Variants in MGAT4C observed in about 807,000 individuals in gnomAD.
MGAT4C encodes the protein MGAT4 family member C.
Under a neutral mutation model 40.1 loss-of-function variants are expected in MGAT4C, and 19 were observed. The ratio of observed to expected loss-of-function variants is 0.47; its 90% CI spans 0.33 to 0.70. The LOEUF (loss-of-function observed/expected upper bound fraction) is 0.70. Ranked by LOEUF, MGAT4C falls within the 30% of genes least tolerant of loss-of-function variation. The pLI is 0.02. For missense variants in MGAT4C, 491 were observed against 563.2 expected (o/e 0.87, Z 1.30); for synonymous variants, 181 against 187.1 (o/e 0.97, Z 0.27).
intron 1 of MGAT4C, among the ~76,000 whole-genome samples, chr12:86,158,079 C>T (rs1373207750): frequency 5.3e-5 from 8 of 152,020 alleles, no homozygotes; most frequent in Admixed American, 3.9e-4. Flanking sequence ...ATATTGAAAA[C>T]GATACATTTA....
At chr12:86,639,734 C>A (rs1371917053) in intron 2 of MGAT4C, among the ~76,000 whole-genome samples, 1 of 151,612 alleles carries the variant, frequency 6.6e-6, no homozygotes, top group Non-Finnish European at 1.5e-5. Context: ...TGGAGAAAAT[C>A]ATTTAAATGC....
rs1051827502 is a variant in MGAT4C, at chr12:86,370,767, T to C, written c.-119-36640A>G. 5.5e-4 allele frequency among the ~76,000 whole-genome samples: 83 copies of C among 152,064 alleles called. 1 individual carries two copies. Among genetic ancestry groups the C allele is most frequent in the African/African-American group, 2.0e-3 (81 of 41,454 alleles). ...TTAATCCCCAAAAGTTCAATATGTATGCATAATTTCCCGAAAGTAATTTCA... is the reference window on the plus strand; with the variant it reads ...TTAATCCCCAAAAGTTCAATATGTACGCATAATTTCCCGAAAGTAATTTCA... On this transcript the variant is annotated intron_variant, in intron 3 of 7. Coordinates refer to the MGAT4C transcript ENST00000548651.
At chr12:86,250,436 A>G (rs1952228023) in intron 1 of MGAT4C, among the ~76,000 whole-genome samples, 1 of 152,070 alleles carries the variant, frequency 6.6e-6, no homozygotes, top group Non-Finnish European at 1.5e-5. Flanking sequence ...CGTCATGAGT[A>G]AAGAAGAACT....
chr12:86,188,454 C>T (rs947017272), intron 1 of MGAT4C, among the ~76,000 whole-genome samples: 2 of 151,698 alleles, frequency 1.3e-5, no homozygotes, highest in African/African-American at 4.8e-5. Context: ...ATGTTCTTTC[C>T]CTCTCTGTGG....
chr12:86,395,618 G>A (rs1200851238), intron 3 of MGAT4C, among the ~76,000 whole-genome samples: 2 of 152,196 alleles, frequency 1.3e-5, no homozygotes, highest in African/African-American at 2.4e-5. Context: ...GTAAGTTTTT[G>A]ATGTGTGGTA....
intron 2 of MGAT4C, among the ~76,000 whole-genome samples, chr12:86,468,283 TC>T (rs930830896): frequency 2.6e-5 from 4 of 151,724 alleles, no homozygotes; most frequent in Non-Finnish European, 4.4e-5. Context: ...CCTTTTCAAA[TC>T]ATTTTTTTTT....
chr12:86,447,623 T>C (rs1957362363), intron 2 of MGAT4C, among the ~76,000 whole-genome samples: 2 of 152,202 alleles, frequency 1.3e-5, no homozygotes, highest in Admixed American at 1.3e-4. Context: ...TAAGAATTTA[T>C]TTAGCTTCTC....
intron 1 of MGAT4C, among the ~76,000 whole-genome samples, chr12:86,144,676 T>G (rs947584260): frequency 6.6e-6 from 1 of 152,198 alleles, no homozygotes; most frequent in African/African-American, 2.4e-5. Flanking sequence ...GTACATATCT[T>G]TATTGTACGT....
intron 2 of MGAT4C, among the ~76,000 whole-genome samples, chr12:86,677,163 T>A (rs990205468): frequency 1.3e-5 from 2 of 152,160 alleles, no homozygotes; most frequent in Non-Finnish European, 2.9e-5. Flanking sequence ...ATTACCTAAT[T>A]TATTATTTGA....
At chr12:86,703,092 A>G (rs1018642963) in intron 2 of MGAT4C, among the ~76,000 whole-genome samples, 10 of 152,296 alleles carry the variant, frequency 6.6e-5, no homozygotes, top group African/African-American at 2.4e-4. Flanking sequence ...TGGCAAGGGA[A>G]CTAGAGCTAG....
At chr12:86,725,763 C>CG (rs1417187606) in intron 2 of MGAT4C, among the ~76,000 whole-genome samples, 1 of 152,074 alleles carries the variant, frequency 6.6e-6, no homozygotes, top group Non-Finnish European at 1.5e-5. Flanking sequence ...GCGCCCGGCC[C>CG]AGCGCCCCCT....
intron 1 of MGAT4C, among the ~76,000 whole-genome samples, chr12:86,807,912 C>G (rs534305336): frequency 1.3e-5 from 2 of 152,150 alleles, no homozygotes; most frequent in East Asian, 3.9e-4. Flanking sequence ...TGTTTGCTGG[C>G]CACATGAATG....
Position 86,273,321 on chromosome 12 carries a change from C to G in MGAT4C, c.-57+60744G>C, listed in dbSNP as rs534522464. Among the ~76,000 whole-genome samples, 17 of 152,020 alleles carry G rather than the reference C, an allele frequency of 1.1e-4. No homozygotes were observed. In the East Asian group the frequency reaches 3.3e-3, roughly 29 times the overall value. ...AGTAACAATATTTATTTCTTTGGTA[C>G]TTTATAACAATTAAATAAATTGAAA... On this transcript the variant is annotated intron_variant, in intron 4 of 7. Transcript: ENST00000548651.
At chr12:86,189,786 T>C (rs1889170169) in intron 1 of MGAT4C, among the ~76,000 whole-genome samples, 1 of 151,908 alleles carries the variant, frequency 6.6e-6, no homozygotes, top group African/African-American at 2.4e-5. Context: ...AAAACATGGG[T>C]AGTCTTGTAG....
At chr12:86,814,267 C>T (rs1285586491) in intron 1 of MGAT4C, among the ~76,000 whole-genome samples, 1 of 112,390 alleles carries the variant, frequency 8.9e-6, no homozygotes, top group African/African-American at 3.3e-5. Flanking sequence ...CATATATATA[C>T]ATATACGTAT....
chr12:86,658,948 C>T (rs768967350), intron 2 of MGAT4C, among the ~76,000 whole-genome samples: 4 of 152,112 alleles, frequency 2.6e-5, no homozygotes, highest in East Asian at 1.9e-4. Context: ...GAATAAAAGC[C>T]GTCCTGTCAA....
Position 86,388,702 on chromosome 12 carries a change from A to G in MGAT4C, c.-120+46455T>C, listed in dbSNP as rs532361648. Among the ~76,000 whole-genome samples the G allele has an allele frequency of 1.4e-3, 181 of 129,888 alleles. 3 individuals are homozygous for G. Among genetic ancestry groups the G allele is most frequent in the African/African-American group, 4.0e-3 (124 of 30,838 alleles). 85.2% of individuals were successfully genotyped at this position (129,888 alleles called of 152,430 possible). A position where few individuals can be genotyped will look rare whatever the true frequency, so the allele number is the denominator to read the frequency against. On this transcript the variant is annotated intron_variant, in intron 3 of 7. Transcript: ENST00000548651. ...TTTTTTTTTTTTTTTTTTTTTTTAG[A>G]CAGAGTCTTGCTCTTGTTGCCCAGG...
chr12:86,591,832 A>G (rs1409300573), intron 2 of MGAT4C, among the ~76,000 whole-genome samples: 1 of 151,794 alleles, frequency 6.6e-6, no homozygotes, highest in East Asian at 1.9e-4. Flanking sequence ...CTGGTGATCC[A>G]AATTGTTTAC....
In MGAT4C at chr12:86,692,814, G is replaced by A. The variant is rs114039575; in HGVS notation, c.-229+34395C>T. The stretch of plus-strand genomic sequence containing the variant: ...AAGAGGATAGTCTTTTTGATGAAGA[G>A]TGCTGGATTGGTTGTCTACCTGAGA... On this transcript the variant is annotated intron_variant, in intron 2 of 7. Transcript: ENST00000548651. Among the ~76,000 whole-genome samples, 612 of 152,296 alleles carry A rather than the reference G, an allele frequency of 4.0e-3. 3 individuals carry two copies. Among genetic ancestry groups the A allele is most frequent in the African/African-American group, 0.014 (597 of 41,558 alleles).
Sources: gnomAD v4.1 joint callset for allele counts (sites outside exome capture counted in the v4.1 genomes callset) on GRCh38, gnomAD v4.1.1 for gene constraint, MANE v1.5 for transcripts, NCBI Gene and HGNC (gene_info 2026-07-23, HGNC 2026-07-21) for gene names.